Variants in ADGRB3 observed in about 807,000 individuals in gnomAD.
ADGRB3 encodes adhesion G protein-coupled receptor B3.
A neutral mutation model predicts 193.4 loss-of-function variants in ADGRB3; 37 were observed. The observed-to-expected ratio is 0.19, with a 90% CI of 0.15 to 0.25. The LOEUF (loss-of-function observed/expected upper bound fraction) is 0.25, where lower values mean the gene tolerates loss of function less well. Among genes scored for constraint, ADGRB3 ranks in the 10% least tolerant of loss-of-function variants. The pLI is 1.00. For synonymous variants in ADGRB3, 690 were observed against 644.2 expected (o/e 1.07, Z -1.08); for missense variants, 1,637 against 1,852.9 (o/e 0.88, Z 2.14).
At chr6:68,801,559 G>A (rs1373244169) in intron 3 of ADGRB3, among the ~76,000 whole-genome samples, 1 of 151,908 alleles carries the variant, frequency 6.6e-6, no homozygotes, top group East Asian at 1.9e-4. Context: ...TGTGGTGGCA[G>A]GTGCCTGTAA....
chr6:69,169,132 C>A (rs1775206296), intron 17 of ADGRB3, among the ~76,000 whole-genome samples: 1 of 151,804 alleles, frequency 6.6e-6, no homozygotes. Context: ...AACAGATATA[C>A]CTTAAAAAAA....
intron 14 of ADGRB3, among the ~76,000 whole-genome samples, chr6:69,048,578 A>G (rs970047219): frequency 2.6e-5 from 4 of 152,140 alleles, no homozygotes; most frequent in Admixed American, 6.5e-5. Context: ...TGAGTTTGAC[A>G]TGGTCAAGTT....
chr6:68,639,525 A>G (rs1768033516), intron 3 of ADGRB3, 93 bp downstream of exon 3: 5 of 1,366,932 alleles, frequency 3.7e-6, no homozygotes. Flanking sequence ...CTAATTATTT[A>G]TCCTTTATTG....
intron 20 of ADGRB3, among the ~76,000 whole-genome samples, chr6:69,276,701 G>T (rs1749543833): frequency 6.6e-6 from 1 of 152,178 alleles, no homozygotes; most frequent in Admixed American, 6.5e-5. Context: ...GGTGCAGATA[G>T]TGTGAAGTTA....
At chr6:68,881,238 C>T (rs1765721156) in intron 3 of ADGRB3, among the ~76,000 whole-genome samples, 1 of 151,830 alleles carries the variant, frequency 6.6e-6, no homozygotes. Context: ...ATCAAATCCA[C>T]AGTTATGTGA....
intron 3 of ADGRB3, among the ~76,000 whole-genome samples, chr6:68,918,353 G>T (rs986250156): frequency 2.6e-5 from 4 of 152,100 alleles, no homozygotes; most frequent in Non-Finnish European, 5.9e-5. Context: ...ACAGTCATAT[G>T]ATGATGAGCA....
In ADGRB3 at chr6:68,978,568, C is replaced by T. The variant is rs942058702; in HGVS notation, c.1734+3228C>T. On this transcript the variant is annotated intron_variant, in intron 10 of 31. Transcript: ENST00000370598. ...TAATGCTTATGTCACACATCAGCCT[C>T]ATCATCCACACTCTGCATACTCAAT... Among the ~76,000 whole-genome samples, 10 of 151,578 alleles carry T rather than the reference C, an allele frequency of 6.6e-5. No homozygotes were observed. The East Asian group carries it at 1.9e-3, about 29-fold the overall frequency.
At position 68,858,242 on chromosome 6, in the gene ADGRB3, C is replaced by T. The variant is rs536506631; in HGVS notation, c.758-72317C>T. ...AAACCTGGCCAGGCACTGTGGCTCA[C>T]GCCTGTAATCCCAGCACTTTGGGAG... On this transcript the variant is annotated intron_variant, in intron 3 of 31. Coordinates refer to ENST00000370598, the MANE Select transcript of ADGRB3 (RefSeq NM_001704.3). Among the ~76,000 whole-genome samples the T allele has an allele frequency of 5.1e-4, 77 of 152,246 alleles. No individual in the cohort carries two copies. The Middle Eastern group carries it at 0.014, about 27-fold the overall frequency.
At chr6:69,126,524 T>C (rs1053762797) in intron 17 of ADGRB3, among the ~76,000 whole-genome samples, 1 of 152,144 alleles carries the variant, frequency 6.6e-6, no homozygotes, top group African/African-American at 2.4e-5. Context: ...AGTTCTGATA[T>C]CTGAGGGCAA....
chr6:68,927,943 A>G (rs541871839), intron 3 of ADGRB3, among the ~76,000 whole-genome samples: 2 of 152,258 alleles, frequency 1.3e-5, no homozygotes, highest in African/African-American at 4.8e-5. Context: ...TTCATAAACT[A>G]TTGAAGAATT....
intron 3 of ADGRB3, among the ~76,000 whole-genome samples, chr6:68,801,549 T>G (rs1300843578): frequency 6.6e-6 from 1 of 151,576 alleles, no homozygotes; most frequent in East Asian, 1.9e-4. Flanking sequence ...AATGGCTGGG[T>G]GTGGTGGCAG....
chr6:68,931,921 C>A (rs138802221), intron 4 of ADGRB3, among the ~76,000 whole-genome samples: 3 of 151,648 alleles, frequency 2.0e-5, no homozygotes, highest in African/African-American at 7.3e-5. Flanking sequence ...TATCTGGATC[C>A]CTTTTTGTGC....
intron 20 of ADGRB3, among the ~76,000 whole-genome samples, chr6:69,249,759 A>G (rs904585213): frequency 6.6e-6 from 1 of 152,124 alleles, no homozygotes; most frequent in African/African-American, 2.4e-5. Flanking sequence ...ACTAATGCCT[A>G]TAATAAAAAA....
intron 17 of ADGRB3, among the ~76,000 whole-genome samples, chr6:69,114,112 T>G (rs1582470702): frequency 6.6e-6 from 1 of 152,170 alleles, no homozygotes; most frequent in Admixed American, 6.5e-5. Flanking sequence ...AAGCCACTAC[T>G]CACTGAATAC....
Position 69,366,236 on chromosome 6 carries a change from T to C in ADGRB3, c.4239+4724T>C, listed in dbSNP as rs114516199. On this transcript the variant is annotated intron_variant, in intron 29 of 31. Coordinates refer to ENST00000370598, the MANE Select transcript of ADGRB3 (RefSeq NM_001704.3). ...CAGAATTTTGTCTCTCTTGCAGGCG[T>C]ACAACAAAATTAGCTTGAATAAAAG... Among the ~76,000 whole-genome samples the C allele has an allele frequency of 4.7e-3, 716 of 152,218 alleles. 6 individuals carry two copies. The highest frequency in any genetic ancestry group is 0.016 in the African/African-American group (685 of 41,564).
intron 11 of ADGRB3, among the ~76,000 whole-genome samples, chr6:69,002,399 A>G (rs983943119): frequency 6.6e-6 from 1 of 151,946 alleles, no homozygotes; most frequent in East Asian, 1.9e-4. Flanking sequence ...TTGTATTTTT[A>G]ATAGACAAGG....
chr6:69,313,248 T>A (rs2127301141), intron 20 of ADGRB3, among the ~76,000 whole-genome samples: 1 of 151,966 alleles, frequency 6.6e-6, no homozygotes, highest in South Asian at 2.1e-4. Flanking sequence ...TCCATAGTTG[T>A]TAGAGCACCC....
chr6:69,264,686 C>T (rs148994404), intron 20 of ADGRB3, among the ~76,000 whole-genome samples: 1 of 151,932 alleles, frequency 6.6e-6, no homozygotes, highest in Non-Finnish European at 1.5e-5. Context: ...TCACTCCACA[C>T]CCCCACCAAC....
intron 17 of ADGRB3, among the ~76,000 whole-genome samples, chr6:69,077,151 A>G (rs1772255819): frequency 6.6e-6 from 1 of 152,142 alleles, no homozygotes; most frequent in South Asian, 2.1e-4. Context: ...CCTGTTGATA[A>G]CATGAGCTGG....
Sources: allele counts gnomAD v4.1 joint callset (sites outside exome capture counted in the v4.1 genomes callset), GRCh38; gene constraint gnomAD v4.1.1; transcripts MANE v1.5; gene names NCBI Gene and HGNC (gene_info 2026-07-23, HGNC 2026-07-21).